HECW1: variants seen among roughly 807,000 people sequenced by gnomAD.
HECW1 encodes E3 ubiquitin-protein ligase HECW1.
Under a neutral mutation model 182.3 loss-of-function variants are expected in HECW1, and 61 were observed. The ratio of observed to expected loss-of-function variants is 0.33; its 90% CI spans 0.27 to 0.41. HECW1 has a LOEUF of 0.41. Among genes scored for constraint, HECW1 ranks in the 10% least tolerant of loss-of-function variants. The pLI is 1.00. For synonymous variants in HECW1, 859 were observed against 832.6 expected, an observed-to-expected ratio of 1.03 and a Z score of -0.55; for missense variants, 1,739 against 2,108.9, an observed-to-expected ratio of 0.82 and a Z score of 3.44.
intron 29 of HECW1, 75 bp from the exon 30 acceptor site, chr7:43,561,740 T>C: frequency 7.8e-6 from 8 of 1,026,144 alleles, no homozygotes; most frequent in Non-Finnish European, 9.0e-6. Context: ...GAATCACAAC[T>C]TCAGACAGTC....
chr7:43,251,628 T>C (rs1438574689), intron 3 of HECW1, among the ~76,000 whole-genome samples: 1 of 152,208 alleles, frequency 6.6e-6, no homozygotes, highest in East Asian at 1.9e-4. Context: ...AAAATCTAGT[T>C]TCTTTCTACT....
intron 26 of HECW1, among the ~76,000 whole-genome samples, chr7:43,543,781 CAAAAAAAAA>C (rs35618213): frequency 2.6e-4 from 13 of 49,606 alleles, no homozygotes; most frequent in Admixed American, 1.5e-3. Context: ...CTCCATCTCA[CAAAAAAAAA>C]AAAAAAAAGA....
intron 29 of HECW1, among the ~76,000 whole-genome samples, chr7:43,555,473 G>A (rs1356649339): frequency 6.6e-6 from 1 of 152,180 alleles, no homozygotes; most frequent in African/African-American, 2.4e-5. Context: ...GTGCATAGGC[G>A]CTATAGTGAG....
At position 43,114,341 on chromosome 7, in the gene HECW1, G is replaced by A; in HGVS notation, c.-82G>A. ...GGTCCAAGGCGTCTCAAAGCAGGTG[G>A]CCAGATCTGCGTTTCTCATCAGCAG... On this transcript the variant is annotated 5_prime_UTR_variant, in exon 2 of 30. Coordinates refer to ENST00000395891, the MANE Select transcript of HECW1 (RefSeq NM_015052.5). 1.5e-6 allele frequency: 2 copies of A among 1,358,884 alleles called. No individual in the cohort carries two copies. The highest frequency in any genetic ancestry group is 1.9e-6 in the Non-Finnish European group (2 of 1,031,410). The allele number at this position is 1,358,884 out of a possible 1,614,324, so 84.2% of individuals were successfully genotyped here.
At chr7:43,388,311 C>T (rs1368219020) in intron 6 of HECW1, among the ~76,000 whole-genome samples, 1 of 152,190 alleles carries the variant, frequency 6.6e-6, no homozygotes, top group Non-Finnish European at 1.5e-5. Context: ...TAATGGCCAA[C>T]ATCACATTTG....
chr7:43,380,274 C>T (rs895758376), intron 6 of HECW1, among the ~76,000 whole-genome samples: 7 of 152,088 alleles, frequency 4.6e-5, no homozygotes, highest in Admixed American at 1.3e-4. Flanking sequence ...TTGTTGCCCA[C>T]GCTGGTCTCA....
At chr7:43,350,067 A>C (rs1201427681) in intron 5 of HECW1, among the ~76,000 whole-genome samples, 1 of 152,124 alleles carries the variant, frequency 6.6e-6, no homozygotes, top group African/African-American at 2.4e-5. Context: ...GGTAATGGCA[A>C]ATTCTCTCAG....
chr7:43,322,125 A>C (rs556842945), intron 5 of HECW1, among the ~76,000 whole-genome samples: 1 of 152,304 alleles, frequency 6.6e-6, no homozygotes, highest in Admixed American at 6.5e-5. Flanking sequence ...GCTGGAGTGC[A>C]ATGGCACAAT....
intron 13 of HECW1, among the ~76,000 whole-genome samples, chr7:43,458,830 C>G (rs1197027210): frequency 6.6e-6 from 1 of 152,296 alleles, no homozygotes; most frequent in Non-Finnish European, 1.5e-5. Flanking sequence ...TGATTACTGG[C>G]TCACAGCCAT....
At chr7:43,221,654 T>A (rs1233383453) in intron 2 of HECW1, among the ~76,000 whole-genome samples, 1 of 142,462 alleles carries the variant, frequency 7.0e-6, no homozygotes, top group East Asian at 2.3e-4. Flanking sequence ...CCTGGATTCA[T>A]GTCATTCTCC....
chr7:43,160,053 T>A (rs1379851864), intron 2 of HECW1, among the ~76,000 whole-genome samples: 1 of 152,236 alleles, frequency 6.6e-6, no homozygotes, highest in East Asian at 1.9e-4. Flanking sequence ...ATGAGCAAAT[T>A]AAACTATTGT....
chr7:43,279,188 C>T (rs1387140159), intron 3 of HECW1, among the ~76,000 whole-genome samples: 1 of 152,156 alleles, frequency 6.6e-6, no homozygotes, highest in African/African-American at 2.4e-5. Context: ...ATTCCCCTTC[C>T]AGCTGTGGGG....
At chr7:43,482,757 TAGTC>T (rs1166272332) in intron 17 of HECW1, among the ~76,000 whole-genome samples, 2 of 151,854 alleles carry the variant, frequency 1.3e-5, no homozygotes, top group Non-Finnish European at 2.9e-5. Flanking sequence ...ATTTAAAAAT[TAGTC>T]AGATGTGGTG....
At chr7:43,303,817 C>A (rs543354145) in intron 3 of HECW1, among the ~76,000 whole-genome samples, 1 of 152,056 alleles carries the variant, frequency 6.6e-6, no homozygotes, top group East Asian at 1.9e-4. Flanking sequence ...TCCTCCCTTA[C>A]ACCTGAGAGC....
chr7:43,385,152 C>T (rs1210687338), intron 6 of HECW1, among the ~76,000 whole-genome samples: 2 of 149,768 alleles, frequency 1.3e-5, no homozygotes, highest in African/African-American at 4.9e-5. Context: ...CTCTTCCAAT[C>T]GGTCACCAAG....
chr7:43,202,517 A>T (rs936944364), intron 2 of HECW1, among the ~76,000 whole-genome samples: 3 of 147,972 alleles, frequency 2.0e-5, no homozygotes, highest in African/African-American at 7.5e-5. Context: ...TCTATCCCCC[A>T]GGCTGGAGTG....
intron 2 of HECW1, among the ~76,000 whole-genome samples, chr7:43,186,351 G>A (rs942224948): frequency 2.0e-5 from 3 of 152,168 alleles, no homozygotes; most frequent in African/African-American, 7.2e-5. Context: ...TGAACCTTGT[G>A]TATGCTAGTG....
chr7:43,435,207 C>T (rs1461912554), intron 8 of HECW1, among the ~76,000 whole-genome samples: 1 of 151,616 alleles, frequency 6.6e-6, no homozygotes, highest in Non-Finnish European at 1.5e-5. Context: ...ATCACCTATA[C>T]CTAACCTATT....
intron 24 of HECW1, among the ~76,000 whole-genome samples, chr7:43,537,954 G>A (rs535388430): frequency 6.6e-6 from 1 of 152,218 alleles, no homozygotes; most frequent in East Asian, 1.9e-4. Flanking sequence ...AAACCCCGTC[G>A]CCACACCCCC....
Sources: gnomAD v4.1 joint callset for allele counts (sites outside exome capture counted in the v4.1 genomes callset) on GRCh38, gnomAD v4.1.1 for gene constraint, MANE v1.5 for transcripts, NCBI Gene and HGNC (gene_info 2026-07-23, HGNC 2026-07-21) for gene names.